The following RAB22A variants were observed in gnomAD, a reference collection of about 807,000 sequenced individuals.
The protein encoded by RAB22A is ras-related protein Rab-22A.
A neutral mutation model predicts 30.2 loss-of-function variants in RAB22A; 13 were observed. The ratio of observed to expected loss-of-function variants is 0.43; its 90% CI spans 0.28 to 0.68. The LOEUF is 0.68. Ranked by LOEUF, RAB22A falls within the 30% of genes least tolerant of loss-of-function variation. The probability of loss-of-function intolerance (pLI) is 0.18; values close to 1 mark genes in which losing one functional copy is unlikely to be tolerated. For missense variants in RAB22A, 177 were observed against 246.8 expected (o/e 0.72, Z 1.89); for synonymous variants, 89 against 87.2 (o/e 1.02, Z -0.11).
rs1230853918 is a variant in RAB22A at position 58,363,303 on chromosome 20, A to G, written c.*3600A>G. On this transcript the variant is annotated 3_prime_UTR_variant, in exon 7 of 7. Coordinates refer to ENST00000244040, the MANE Select transcript of RAB22A (RefSeq NM_020673.3). ...CTTATTCTTTCAGAATACATCAAGG[A>G]TGTGATTTATGGGCCCTTAAGAGTA... 3 of 152,166 alleles carry G rather than the reference A, an allele frequency of 2.0e-5. No homozygotes were observed. Among genetic ancestry groups the G allele is most frequent in the Admixed American group, 2.0e-4 (3 of 15,282 alleles). The allele number at this position is 152,166 out of a possible 1,614,324, so 9.4% of individuals were successfully genotyped here. A position where few individuals can be genotyped will look rare whatever the true frequency, so the allele number is the denominator to read the frequency against.
intron 2 of RAB22A, among the ~76,000 whole-genome samples, chr20:58,324,515 A>T (rs571411188): frequency 1.3e-4 from 20 of 152,122 alleles, no homozygotes; most frequent in African/African-American, 3.9e-4. Context: ...TCCTTTTCTA[A>T]CTTCTTGAGA....
rs537459920 is a variant in RAB22A, at chr20:58,365,131, G to T, written c.*5428G>T. ...AAAACATGCCAGTTTTACTGATTCC[G>T]CTTTTTGCTTGATTCAGGAACTTTT... On this transcript the variant is annotated 3_prime_UTR_variant, in exon 7 of 7. Coordinates refer to ENST00000244040, the MANE Select transcript of RAB22A (RefSeq NM_020673.3). 6.6e-6 allele frequency: 1 copy of T among 152,090 alleles called. No homozygotes were observed. The highest frequency in any genetic ancestry group is 1.5e-5 in the Non-Finnish European group (1 of 68,018). 9.4% of individuals were successfully genotyped at this position (152,090 alleles called of 1,614,324 possible). A position where few individuals can be genotyped will look rare whatever the true frequency, so the allele number is the denominator to read the frequency against.
intron 2 of RAB22A, among the ~76,000 whole-genome samples, chr20:58,329,525 T>C (rs551358144): frequency 6.6e-6 from 1 of 152,360 alleles, no homozygotes; most frequent in African/African-American, 2.4e-5. Context: ...CTCTGGCTGC[T>C]CTTAAGACCT....
At chr20:58,333,845 C>A (rs1986700374) in intron 2 of RAB22A, among the ~76,000 whole-genome samples, 2 of 152,038 alleles carry the variant, frequency 1.3e-5, no homozygotes, top group African/African-American at 4.8e-5. Context: ...ATGCTGGAGG[C>A]CAGACGTTCA....
chr20:58,344,822 A>G (rs924519954), intron 3 of RAB22A, among the ~76,000 whole-genome samples: 1 of 152,218 alleles, frequency 6.6e-6, no homozygotes, highest in Non-Finnish European at 1.5e-5. Context: ...GACTCCATGC[A>G]TTTGTACAGG....
intron 1 of RAB22A, among the ~76,000 whole-genome samples, chr20:58,310,716 T>C (rs1310708148): frequency 7.2e-5 from 11 of 152,258 alleles, no homozygotes; most frequent in African/African-American, 2.4e-4. Context: ...CATCAGGGAT[T>C]ACTCAGAGGT....
rs1568862081 is a variant in RAB22A at position 58,311,093 on chromosome 20, T to C, written c.87T>C (p.Ser29=). The C allele has an allele frequency of 6.2e-7, 1 of 1,603,912 alleles. No individual in the cohort carries two copies. ...TTGTGTGGCGGTTTGTGGAAGACAG[T>C]TTTGATCCAAACATCAACCCAACAA... ...SSIVWRFVED[S]FDPNINPTIG... The change falls in exon 2 of 7, where the codon AGT becomes AGC. Residue 29 remains serine (S), a synonymous_variant. Transcript: ENST00000244040.
intron 2 of RAB22A, among the ~76,000 whole-genome samples, chr20:58,343,125 C>A (rs1244549320): frequency 6.6e-6 from 1 of 152,126 alleles, no homozygotes; most frequent in African/African-American, 2.4e-5. Flanking sequence ...GCTGAGAAAC[C>A]CGTTTTGTCG....
At position 58,309,872 on chromosome 20, in the gene RAB22A, C is replaced by T. The variant is rs933891102; in HGVS notation, c.-105C>T. 10 of 1,131,076 alleles carry T rather than the reference C, an allele frequency of 8.8e-6. No individual in the cohort carries two copies. Among genetic ancestry groups the T allele is most frequent in the South Asian group, 8.8e-5 (2 of 22,728 alleles). 70.1% of individuals were successfully genotyped at this position (1,131,076 alleles called of 1,614,324 possible). ...GCAGCCGCCTCTGCGCGGACCGGGG[C>T]TGGGCCGTGCGGCGGCAGCGGCGCC... On this transcript the variant is annotated 5_prime_UTR_variant, in exon 1 of 7. Coordinates refer to ENST00000244040, the MANE Select transcript of RAB22A (RefSeq NM_020673.3).
At chr20:58,331,346 G>A (rs1986657421) in intron 2 of RAB22A, among the ~76,000 whole-genome samples, 2 of 151,660 alleles carry the variant, frequency 1.3e-5, no homozygotes, top group Admixed American at 6.6e-5. Flanking sequence ...TCATCTATTT[G>A]TTTATTTATT....
intron 5 of RAB22A, among the ~76,000 whole-genome samples, chr20:58,353,840 C>G (rs1987092256): frequency 1.3e-5 from 2 of 152,194 alleles, no homozygotes; most frequent in African/African-American, 4.8e-5. Context: ...ATGCAGAAAG[C>G]ACATTTATTG....
intron 3 of RAB22A, chr20:58,345,657 G>A (rs1443267769): frequency 6.6e-6 from 1 of 152,356 alleles, no homozygotes; most frequent in Non-Finnish European, 1.5e-5. Flanking sequence ...AAAGCGCAGT[G>A]CTGAGGAAAG....
At chr20:58,319,032 TA>T (rs1986400956) in intron 2 of RAB22A, among the ~76,000 whole-genome samples, 1 of 152,200 alleles carries the variant, frequency 6.6e-6, no homozygotes, top group Admixed American at 6.5e-5. Flanking sequence ...AATTAAATTT[TA>T]AAAGGTTATT....
intron 2 of RAB22A, among the ~76,000 whole-genome samples, chr20:58,329,019 T>C (rs1186220169): frequency 1.3e-5 from 2 of 152,052 alleles, no homozygotes; most frequent in Admixed American, 1.3e-4. Flanking sequence ...CGCCTCGGTA[T>C]TTGTTTACCT....
At chr20:58,326,322 A>T (rs1047466538) in intron 2 of RAB22A, among the ~76,000 whole-genome samples, 1 of 152,138 alleles carries the variant, frequency 6.6e-6, no homozygotes, top group African/African-American at 2.4e-5. Flanking sequence ...AAGCACCACC[A>T]TTGCTTATGG....
chr20:58,320,443 C>T (rs1198367443), intron 2 of RAB22A, among the ~76,000 whole-genome samples: 2 of 152,008 alleles, frequency 1.3e-5, no homozygotes, highest in Non-Finnish European at 2.9e-5. Flanking sequence ...AGCAATACCC[C>T]CCTTCCATTT....
At chr20:58,322,438 A>G (rs1283342052) in intron 2 of RAB22A, among the ~76,000 whole-genome samples, 2 of 152,200 alleles carry the variant, frequency 1.3e-5, no homozygotes, top group African/African-American at 2.4e-5. Flanking sequence ...CTACATTTCA[A>G]TCCTCATAAC....
At chr20:58,354,474 G>C (rs1345323581) in intron 6 of RAB22A, among the ~76,000 whole-genome samples, 1 of 152,070 alleles carries the variant, frequency 6.6e-6, no homozygotes, top group East Asian at 1.9e-4. Context: ...AAAGAGTGTT[G>C]CTACTGAATA....
chr20:58,327,210 T>C (rs545771779), intron 2 of RAB22A, among the ~76,000 whole-genome samples: 3 of 152,372 alleles, frequency 2.0e-5, no homozygotes, highest in South Asian at 4.1e-4. Flanking sequence ...TTTTCTCTTA[T>C]GTTAATATGG....
Sources: allele counts gnomAD v4.1 joint callset (sites outside exome capture counted in the v4.1 genomes callset), GRCh38; gene constraint gnomAD v4.1.1; transcripts MANE v1.5; gene names NCBI Gene and HGNC (gene_info 2026-07-23, HGNC 2026-07-21).